PCDH15: variants seen among roughly 807,000 people sequenced by gnomAD.
PCDH15 encodes the protein protocadherin related 15.
In PCDH15, 129 loss-of-function variants were observed where a neutral mutation model predicts 178.5. The ratio of observed to expected loss-of-function variants is 0.72; its 90% CI spans 0.63 to 0.84. PCDH15 has a LOEUF of 0.84. Ranked by LOEUF, PCDH15 falls within the 40% of genes least tolerant of loss-of-function variation. PCDH15 has a pLI of 0.00. For missense variants in PCDH15, 2,230 were observed against 2,099.9 expected (o/e 1.06, Z -1.21); for synonymous variants, 800 against 732.0 (o/e 1.09, Z -1.50).
chr10:54,854,544 G>C (rs538721798), intron 3 of PCDH15, among the ~76,000 whole-genome samples: 12 of 152,086 alleles, frequency 7.9e-5, no homozygotes, highest in African/African-American at 2.7e-4. Flanking sequence ...TGCAGCCAGA[G>C]TGTCCCAATG....
At chr10:55,503,629 T>C (rs1466432864) in intron 2 of PCDH15, among the ~76,000 whole-genome samples, 1 of 151,276 alleles carries the variant, frequency 6.6e-6, no homozygotes, top group Admixed American at 6.6e-5. Flanking sequence ...TTAGAAATAG[T>C]ATAATGACCT....
intron 2 of PCDH15, among the ~76,000 whole-genome samples, chr10:54,630,488 C>T (rs1193908679): frequency 1.3e-5 from 2 of 152,176 alleles, no homozygotes; most frequent in African/African-American, 4.8e-5. Context: ...GCACCCTTGC[C>T]TTTCATCGCA....
rs1554820332 is a variant in PCDH15 at position 53,822,675 on chromosome 10, T to TTGAG, written c.4368-2449_4368-2446dup. The TTGAG allele has an allele frequency of 6.2e-7, 1 of 1,614,034 alleles. No homozygotes were observed. Among genetic ancestry groups the TTGAG allele is most frequent in the Non-Finnish European group, 8.5e-7 (1 of 1,179,942 alleles). On this transcript the variant is annotated intron_variant, in intron 32 of 37. Coordinates refer to ENST00000644397, the MANE Select transcript of PCDH15 (RefSeq NM_001384140.1). ...AGAACTGATGACATTAGGTTCTGAT[T>TTGAG]TGAGTTCCACAGTTCTTGAAACAGT...
At position 54,753,892 on chromosome 10, in the gene PCDH15, GTGTTTTTTTTTTT is replaced by G. The variant is rs375197106; in HGVS notation, c.-29+47020_-29+47032del. On this transcript the variant is annotated intron_variant, in intron 1 of 37. Transcript: ENST00000644397. ...TTTGTTGTTGTTTTTTTGTTTGTTT[GTGTTTTTTTTTTT>G]TTTTTTGAGACTGAATCTCGCTCTG... is the stretch of plus-strand genomic sequence containing the variant. Among the ~76,000 whole-genome samples the G allele has an allele frequency of 5.2e-3, 610 of 118,238 alleles. 5 individuals carry two copies. The highest frequency in any genetic ancestry group is 0.018 in the African/African-American group (576 of 32,124). 77.6% of individuals were successfully genotyped at this position (118,238 alleles called of 152,430 possible).
In PCDH15 at chr10:53,840,306, C is replaced by A. The variant is rs1199056058; in HGVS notation, c.3983+14G>T. 1 of 1,612,822 alleles carries A rather than the reference C, an allele frequency of 6.2e-7. No homozygotes were observed. The highest frequency in any genetic ancestry group is 1.3e-5 in the African/African-American group (1 of 74,894). On this transcript the variant is annotated intron_variant, in intron 29 of 37. Coordinates refer to ENST00000644397, the MANE Select transcript of PCDH15 (RefSeq NM_001384140.1). ...GTAACCAAAGAGCTGTTACAGATAA[C>A]AAAAAGCACTTACTTAAAAAGCTCA...
intron 2 of PCDH15, among the ~76,000 whole-genome samples, chr10:55,455,585 G>T (rs959276267): frequency 7.0e-6 from 1 of 142,504 alleles, no homozygotes. Flanking sequence ...CTGTTTCTTC[G>T]TTGCTGTGAT....
intron 1 of PCDH15, among the ~76,000 whole-genome samples, chr10:55,257,541 G>C (rs1842031137): frequency 6.6e-6 from 1 of 152,190 alleles, no homozygotes; most frequent in South Asian, 2.1e-4. Context: ...ACCTGATGGA[G>C]CTGAAAACTA....
intron 8 of PCDH15, among the ~76,000 whole-genome samples, chr10:54,313,973 T>C (rs2061068759): frequency 6.6e-6 from 1 of 152,160 alleles, no homozygotes; most frequent in Non-Finnish European, 1.5e-5. Context: ...GTCATCAGAC[T>C]GACTCATTGA....
At chr10:54,103,916 A>G (rs1393182194) in intron 15 of PCDH15, among the ~76,000 whole-genome samples, 1 of 151,900 alleles carries the variant, frequency 6.6e-6, no homozygotes, top group East Asian at 1.9e-4. Flanking sequence ...GCTTATATAA[A>G]TTAAAAAAAC....
In PCDH15 at chr10:54,823,221, A is replaced by ACACACGCACACG. The variant is rs1055163791; in HGVS notation, c.-29+74217_-29+74228dup. Among the ~76,000 whole-genome samples, 537 of 151,420 alleles carry ACACACGCACACG rather than the reference A, an allele frequency of 3.5e-3. 1 individual carries two copies. Among genetic ancestry groups the ACACACGCACACG allele is most frequent in the African/African-American group, 0.013 (517 of 41,296 alleles). ...CACCAGCATAAACACACACACACACACACACGCACACGCACACGCACACGC... is the reference window on the plus strand; with the variant it reads ...CACCAGCATAAACACACACACACACACACACGCACACGCACACGCACACGCACACGCACACGC... On this transcript the variant is annotated intron_variant, in intron 3 of 5. Coordinates refer to the PCDH15 transcript ENST00000458638.
At chr10:54,230,288 C>A (rs1455517162) in intron 9 of PCDH15, among the ~76,000 whole-genome samples, 1 of 151,836 alleles carries the variant, frequency 6.6e-6, no homozygotes, top group Non-Finnish European at 1.5e-5. Context: ...TTGAAAAAAC[C>A]ACATGTGCTC....
intron 2 of PCDH15, among the ~76,000 whole-genome samples, chr10:55,342,202 A>C (rs1588934657): frequency 6.6e-6 from 1 of 151,774 alleles, no homozygotes. Flanking sequence ...AATGACCTAC[A>C]AGATTATACC....
At chr10:53,979,104 A>G (rs1353543059) in intron 21 of PCDH15, among the ~76,000 whole-genome samples, 2 of 152,164 alleles carry the variant, frequency 1.3e-5, no homozygotes, top group Non-Finnish European at 2.9e-5. Flanking sequence ...ACCTGGTATC[A>G]AATTACTGTA....
rs539351811 is a variant in PCDH15 at position 54,710,101 on chromosome 10, A to C, written c.-28-45811T>G. On this transcript the variant is annotated intron_variant, in intron 1 of 37. Transcript: ENST00000644397. ...ACACATTTAAATGTGTCCTGCATAA[A>C]TGTAGCAATTCACAATGCTACTGAC... 8.6e-5 allele frequency among the ~76,000 whole-genome samples: 13 copies of C among 152,020 alleles called. No individual in the cohort carries two copies. In the East Asian group the frequency reaches 2.3e-3, roughly 27 times the overall value.
chr10:55,081,275 T>C (rs963186796), intron 2 of PCDH15, among the ~76,000 whole-genome samples: 3 of 152,118 alleles, frequency 2.0e-5, no homozygotes, highest in African/African-American at 7.2e-5. Flanking sequence ...CTTCACAGTT[T>C]TGTTCTTTTT....
At chr10:54,187,047 A>C (rs1044836102) in intron 11 of PCDH15, among the ~76,000 whole-genome samples, 1 of 151,960 alleles carries the variant, frequency 6.6e-6, no homozygotes, top group Non-Finnish European at 1.5e-5. Flanking sequence ...GGATTTACCT[A>C]ATCACTGGGC....
intron 26 of PCDH15, among the ~76,000 whole-genome samples, chr10:53,888,538 T>A (rs1380417631): frequency 1.4e-5 from 2 of 138,592 alleles, no homozygotes; most frequent in Non-Finnish European, 3.1e-5. Context: ...CTCAGCAATA[T>A]CTGAGAACTT....
chr10:55,016,120 G>C (rs75440416), intron 2 of PCDH15, among the ~76,000 whole-genome samples: 5 of 117,676 alleles, frequency 4.2e-5, no homozygotes, highest in Non-Finnish European at 7.0e-5. Flanking sequence ...AAAAAAAAAA[G>C]ACTGTGGGTA....
At chr10:54,030,964 C>T (rs180827965) in intron 18 of PCDH15, among the ~76,000 whole-genome samples, 27 of 152,072 alleles carry the variant, frequency 1.8e-4, no homozygotes, top group African/African-American at 6.0e-4. Flanking sequence ...AAGGAGCAGG[C>T]TTCATTGGAA....
Sources: allele counts gnomAD v4.1 joint callset (sites outside exome capture counted in the v4.1 genomes callset), GRCh38; gene constraint gnomAD v4.1.1; transcripts MANE v1.5; gene names NCBI Gene and HGNC (gene_info 2026-07-23, HGNC 2026-07-21).